Variants in CAMK1D observed in about 807,000 individuals in gnomAD.
The protein encoded by CAMK1D is calcium/calmodulin-dependent protein kinase type 1D.
CAMK1D carries 9 observed loss-of-function variants against 47.7 expected under a neutral mutation model. The observed-to-expected ratio is 0.19, with a 90% CI of 0.11 to 0.33. The LOEUF (loss-of-function observed/expected upper bound fraction) is 0.33. Among genes scored for constraint, CAMK1D ranks in the 10% least tolerant of loss-of-function variants. The pLI, the probability that CAMK1D is intolerant of heterozygous loss-of-function variation, is 1.00. For synonymous variants in CAMK1D, 184 were observed against 184.9 expected (o/e 0.99, Z 0.04); for missense variants, 291 against 488.7 (o/e 0.60, Z 3.81).
chr10:12,606,973 G>A (rs887134355), intron 2 of CAMK1D, among the ~76,000 whole-genome samples: 21 of 152,104 alleles, frequency 1.4e-4, no homozygotes, highest in East Asian at 3.9e-4. Flanking sequence ...GAATACAGGC[G>A]TCCACCACCA....
At chr10:12,538,535 A>G (rs10906165) in intron 1 of CAMK1D, among the ~76,000 whole-genome samples, 7,431 of 152,206 alleles carry the variant, frequency 0.049, 238 homozygotes, top group South Asian at 0.099. Context: ...TCATGCTAGT[A>G]TTACATTTTT....
intron 1 of CAMK1D, among the ~76,000 whole-genome samples, chr10:12,486,971 A>G (rs954463167): frequency 6.6e-6 from 1 of 152,160 alleles, no homozygotes; most frequent in South Asian, 2.1e-4. Context: ...TCACACATAA[A>G]ACAAAACTGG....
intron 1 of CAMK1D, among the ~76,000 whole-genome samples, chr10:12,378,982 G>A (rs770314391): frequency 6.6e-6 from 1 of 151,910 alleles, no homozygotes; most frequent in Non-Finnish European, 1.5e-5. Flanking sequence ...GCTAATTTTT[G>A]TATTTTTAGT....
chr10:12,364,613 A>G (rs563663619), intron 1 of CAMK1D, among the ~76,000 whole-genome samples: 3 of 136,726 alleles, frequency 2.2e-5, no homozygotes, highest in Admixed American at 7.1e-5. Context: ...GTACTGACTG[A>G]TGTTAAAAAA....
chr10:12,766,562 T>G (rs901578310), intron 4 of CAMK1D, among the ~76,000 whole-genome samples: 1 of 152,100 alleles, frequency 6.6e-6, no homozygotes, highest in Non-Finnish European at 1.5e-5. Flanking sequence ...TGTTTGCAGC[T>G]TGATTTTTCA....
intron 1 of CAMK1D, among the ~76,000 whole-genome samples, chr10:12,486,564 ATTAG>A (rs1472200749): frequency 3.3e-5 from 5 of 151,670 alleles, no homozygotes; most frequent in Admixed American, 2.0e-4. Context: ...TACAGACACT[ATTAG>A]TTCTGTTTTT....
intron 3 of CAMK1D, among the ~76,000 whole-genome samples, chr10:12,749,415 G>A (rs1366656124): frequency 6.9e-6 from 1 of 145,178 alleles, no homozygotes; most frequent in East Asian, 2.0e-4. Context: ...ACTAAATGTG[G>A]AGGATGAATG....
At chr10:12,771,542 A>G (rs1478087989) in intron 5 of CAMK1D, among the ~76,000 whole-genome samples, 1 of 152,238 alleles carries the variant, frequency 6.6e-6, no homozygotes, top group Non-Finnish European at 1.5e-5. Context: ...AGGAGGAAAG[A>G]CAAGAGCAGG....
chr10:12,434,021 A>G (rs1832560863), intron 1 of CAMK1D, among the ~76,000 whole-genome samples: 2 of 152,084 alleles, frequency 1.3e-5, no homozygotes, highest in African/African-American at 2.4e-5. Flanking sequence ...CCCAGGCTGG[A>G]ATGCGGTGGT....
intron 3 of CAMK1D, among the ~76,000 whole-genome samples, chr10:12,705,070 T>C (rs1199883217): frequency 6.6e-6 from 1 of 152,192 alleles, no homozygotes. Context: ...TTTTAGACTG[T>C]AGGTTTCTTC....
At chr10:12,390,001 T>C (rs1291122754) in intron 1 of CAMK1D, among the ~76,000 whole-genome samples, 3 of 152,066 alleles carry the variant, frequency 2.0e-5, no homozygotes, top group Non-Finnish European at 4.4e-5. Flanking sequence ...TGGGGCAAGG[T>C]GAGTTTAACT....
intron 1 of CAMK1D, among the ~76,000 whole-genome samples, chr10:12,509,684 G>A (rs780939462): frequency 2.0e-5 from 3 of 152,214 alleles, no homozygotes; most frequent in Non-Finnish European, 2.9e-5. Context: ...CTGGGAGGTT[G>A]AGGCTGCAGT....
At chr10:12,419,747 G>A (rs925110151) in intron 1 of CAMK1D, among the ~76,000 whole-genome samples, 1 of 151,904 alleles carries the variant, frequency 6.6e-6, no homozygotes, top group African/African-American at 2.4e-5. Context: ...AGCTTCTTAG[G>A]ACTTTGTATA....
At chr10:12,668,312 A>G (rs1014191851) in intron 3 of CAMK1D, among the ~76,000 whole-genome samples, 1 of 152,242 alleles carries the variant, frequency 6.6e-6, no homozygotes, top group African/African-American at 2.4e-5. Flanking sequence ...GCAAAATGTT[A>G]GCTGTGTATT....
chr10:12,828,411 T>C lies in CAMK1D; in HGVS notation c.1040-358T>C, dbSNP rs964830421. Among the ~76,000 whole-genome samples the C allele has an allele frequency of 4.5e-4, 68 of 152,120 alleles. 1 individual carries two copies. The highest frequency in any genetic ancestry group is 9.9e-4 in the African/African-American group (41 of 41,506). ...ATCCCAGCACTTTGGGAGGCTGAGG[T>C]GGGTGGATCACCTGAGGTCAGGAGT... On this transcript the variant is annotated intron_variant, in intron 10 of 10. Transcript: ENST00000619168.
At chr10:12,747,176 C>T (rs546375128) in intron 3 of CAMK1D, among the ~76,000 whole-genome samples, 24 of 152,222 alleles carry the variant, frequency 1.6e-4, no homozygotes, top group Admixed American at 4.6e-4. Context: ...GGACTACAGG[C>T]GCACACCACC....
At chr10:12,421,246 C>A (rs1039262920) in intron 1 of CAMK1D, among the ~76,000 whole-genome samples, 6 of 152,202 alleles carry the variant, frequency 3.9e-5, no homozygotes, top group South Asian at 2.1e-4. Context: ...CTGTGTTTTG[C>A]TCTGAGAGCT....
At chr10:12,365,482 A>AG (rs1166969453) in intron 1 of CAMK1D, among the ~76,000 whole-genome samples, 2 of 152,074 alleles carry the variant, frequency 1.3e-5, no homozygotes, top group Non-Finnish European at 2.9e-5. Context: ...TCTGTCGCCC[A>AG]GGCTGGAGTG....
intron 3 of CAMK1D, among the ~76,000 whole-genome samples, chr10:12,752,285 C>A (rs757613149): frequency 6.6e-6 from 1 of 152,150 alleles, no homozygotes; most frequent in South Asian, 2.1e-4. Flanking sequence ...GGTGAGCCAC[C>A]GCGCTGGCCA....
Sources: gnomAD v4.1 joint callset for allele counts (sites outside exome capture counted in the v4.1 genomes callset) on GRCh38, gnomAD v4.1.1 for gene constraint, MANE v1.5 for transcripts, NCBI Gene and HGNC (gene_info 2026-07-23, HGNC 2026-07-21) for gene names.